GSPT1: variants seen among roughly 807,000 people sequenced by gnomAD.
GSPT1 encodes the protein G1 to S phase transition 1.
GSPT1 carries 20 observed loss-of-function variants against 72.5 expected under a neutral mutation model. The observed-to-expected ratio is 0.28, with a 90% CI of 0.19 to 0.40. GSPT1 has a LOEUF of 0.40. Among genes scored for constraint, GSPT1 ranks in the 10% least tolerant of loss-of-function variants. GSPT1 has a pLI of 1.00. For missense variants in GSPT1, 580 were observed against 811.9 expected, an observed-to-expected ratio of 0.71 and a Z score of 3.47; for synonymous variants, 334 against 293.5, an observed-to-expected ratio of 1.14 and a Z score of -1.41.
At chr16:11,888,505 T>C (rs1177948002) in intron 6 of GSPT1, among the ~76,000 whole-genome samples, 1 of 149,806 alleles carries the variant, frequency 6.7e-6, no homozygotes, top group East Asian at 1.9e-4. Context: ...CTCATGCTTG[T>C]AATCCAAGCA....
intron 1 of GSPT1, among the ~76,000 whole-genome samples, chr16:11,911,374 C>CT (rs2054554358): frequency 1.3e-5 from 2 of 152,094 alleles, no homozygotes. Flanking sequence ...TTAAAAGCCA[C>CT]TGAACTGTAT....
intron 12 of GSPT1, 25 bp from the exon 13 acceptor site, chr16:11,876,200 T>TG: frequency 7.3e-7 from 1 of 1,377,236 alleles, no homozygotes; most frequent in South Asian, 1.2e-5. Context: ...CACACATTCT[T>TG]ATCTTTAGCC....
upstream of GSPT1, chr16:11,916,224 C>A: frequency 2.9e-6 from 1 of 346,794 alleles, no homozygotes. Flanking sequence ...CGGCAGGCAA[C>A]GCGAGGAGGC....
intron 5 of GSPT1, among the ~76,000 whole-genome samples, chr16:11,892,985 A>G (rs1201542960): frequency 6.6e-6 from 1 of 152,166 alleles, no homozygotes; most frequent in African/African-American, 2.4e-5. Context: ...TAAGATGTCA[A>G]CATCAGGGCA....
intron 1 of GSPT1, among the ~76,000 whole-genome samples, chr16:11,914,289 G>C (rs141797753): frequency 6.6e-6 from 1 of 152,270 alleles, no homozygotes; most frequent in East Asian, 1.9e-4. Context: ...GTACCTGAAA[G>C]CAAGCTACCT....
chr16:11,887,804 G>T lies in GSPT1; in HGVS notation c.777-54C>A, dbSNP rs2054202472. On this transcript the variant is annotated intron_variant, in intron 6 of 14. Transcript: ENST00000434724. ...ATTCCTAAGAACATCAGAGTTTTTAGGATATTCTTCACCATTAAAGATATA... is the reference window on the plus strand; with the variant it reads ...ATTCCTAAGAACATCAGAGTTTTTATGATATTCTTCACCATTAAAGATATA... 24 of 1,195,330 alleles carry T rather than the reference G, an allele frequency of 2.0e-5. No individual in the cohort carries two copies. The South Asian group carries it at 3.0e-4, about 15-fold the overall frequency. The allele number at this position is 1,195,330 out of a possible 1,614,324, so 74.0% of individuals were successfully genotyped here.
intron 6 of GSPT1, among the ~76,000 whole-genome samples, chr16:11,889,207 C>G (rs2054222828): frequency 6.6e-6 from 1 of 151,224 alleles, no homozygotes; most frequent in South Asian, 2.1e-4. Context: ...ACTTGGGAGG[C>G]TGAAGCAGGA....
chr16:11,872,055 A>G lies in GSPT1; in HGVS notation c.*1064T>C, dbSNP rs528741994. The G allele has an allele frequency of 6.6e-6, 1 of 152,320 alleles. No individual in the cohort carries two copies. The highest frequency in any genetic ancestry group is 2.1e-4 in the South Asian group (1 of 4,830). The allele number at this position is 152,320 out of a possible 1,614,324, so 9.4% of individuals were successfully genotyped here. ...ATTTTCATTTAGTTGCTAGGTTGAGATTTAGCTTTAACCAGCAAGGATCAT... is the reference window on the plus strand; with the variant it reads ...ATTTTCATTTAGTTGCTAGGTTGAGGTTTAGCTTTAACCAGCAAGGATCAT... On this transcript the variant is annotated 3_prime_UTR_variant, in exon 15 of 15. Coordinates refer to ENST00000434724, the MANE Select transcript of GSPT1 (RefSeq NM_002094.4).
chr16:11,874,217 A>T (rs2054010877), intron 14 of GSPT1, among the ~76,000 whole-genome samples: 3 of 152,164 alleles, frequency 2.0e-5, no homozygotes, highest in African/African-American at 2.4e-5. Context: ...TTCTGTAAAC[A>T]TACTAAAATT....
chr16:11,888,630 C>T (rs955377662), intron 6 of GSPT1, among the ~76,000 whole-genome samples: 5 of 151,410 alleles, frequency 3.3e-5, no homozygotes, highest in Non-Finnish European at 5.9e-5. Flanking sequence ...GGCATGGTGG[C>T]GGGCGCCTGT....
chr16:11,872,395 A>T lies in GSPT1; in HGVS notation c.*724T>A, dbSNP rs1197145561. ...ATATAAATTGGCAAAAAAAAAAAAA[A>T]TAAATAAATAACTAAAAGACCTAGT... is the stretch of plus-strand genomic sequence containing the variant. On this transcript the variant is annotated 3_prime_UTR_variant, in exon 15 of 15. Transcript: ENST00000434724. The T allele has an allele frequency of 2.6e-5, 4 of 151,442 alleles. No homozygotes were observed. Among genetic ancestry groups the T allele is most frequent in the Non-Finnish European group, 5.9e-5 (4 of 67,882 alleles). The allele number at this position is 151,442 out of a possible 1,614,324, so 9.4% of individuals were successfully genotyped here. A position where few individuals can be genotyped will look rare whatever the true frequency, so the allele number is the denominator to read the frequency against.
At chr16:11,885,419 C>G (rs2054175619) in intron 9 of GSPT1, 145 bp from the exon 10 acceptor site, 1 of 586,132 alleles carries the variant, frequency 1.7e-6, no homozygotes, top group Non-Finnish European at 3.1e-6. Context: ...CATTTCATCT[C>G]ACTTATTCCA....
intron 3 of GSPT1, among the ~76,000 whole-genome samples, chr16:11,897,264 T>G (rs1374737084): frequency 6.6e-6 from 1 of 152,200 alleles, no homozygotes; most frequent in African/African-American, 2.4e-5. Context: ...AATAAAGTTA[T>G]AAAAAGGAAG....
Position 11,885,187 on chromosome 16 carries a change from C to T in GSPT1, c.1341G>A (p.Lys447=), listed in dbSNP as rs749381283. The stretch of plus-strand genomic sequence containing the variant: ...TCTTTAACATTTTGGGTACCTTGTA[C>T]TTATCCACAATTGGCAGCCTGATTG... ...DGPIRLPIVD[K]YKDMGTVVLG... is the part of the protein sequence containing the mutation. Residue 447 remains lysine (K), a synonymous_variant, in exon 10 of 15, where the codon AAG becomes AAA. Transcript: ENST00000434724. 21 of 1,519,496 alleles carry T rather than the reference C, an allele frequency of 1.4e-5. No individual in the cohort carries two copies. The South Asian group carries it at 2.4e-4, about 17-fold the overall frequency. The allele number at this position is 1,519,496 out of a possible 1,614,324, so 94.1% of individuals were successfully genotyped here.
chr16:11,907,798 C>T (rs1290784554), intron 1 of GSPT1, among the ~76,000 whole-genome samples: 1 of 152,190 alleles, frequency 6.6e-6, no homozygotes, highest in Non-Finnish European at 1.5e-5. Flanking sequence ...TCGTATCCAG[C>T]GCTAACATTC....
At chr16:11,894,155 C>CAAAAAAAAAAAAAAA (rs57226427) in intron 5 of GSPT1, among the ~76,000 whole-genome samples, 8 of 42,674 alleles carry the variant, frequency 1.9e-4, no homozygotes, top group African/African-American at 6.2e-4. Context: ...GACCCTATCT[C>CAAAAAAAAAAAAAAA]AAAAAAAAAA....
rs1447778701 is a variant in GSPT1, at chr16:11,902,423, AAAAG to A, written c.353-4392_353-4389del. 4.1e-3 allele frequency among the ~76,000 whole-genome samples: 623 copies of A among 151,040 alleles called. 6 individuals are homozygous for A. Among genetic ancestry groups the A allele is most frequent in the African/African-American group, 0.014 (594 of 40,990 alleles). ...CTGTCTCAAAAAAAAAAAAAAAAAA[AAAAG>A]AGGCAAAACTAATAGTATAATTTAT... On this transcript the variant is annotated intron_variant, in intron 1 of 14. Transcript: ENST00000434724.
chr16:11,890,567 G>C (rs539873313), intron 6 of GSPT1, among the ~76,000 whole-genome samples: 1 of 152,214 alleles, frequency 6.6e-6, no homozygotes, highest in East Asian at 1.9e-4. Context: ...GGTAAGGCTT[G>C]CTAACTTTTT....
At chr16:11,910,297 G>C (rs1422379686) in intron 1 of GSPT1, among the ~76,000 whole-genome samples, 2 of 152,136 alleles carry the variant, frequency 1.3e-5, no homozygotes, top group East Asian at 3.8e-4. Context: ...GCTGTTCTCG[G>C]CTTTGAAAGC....
Sources: allele counts gnomAD v4.1 joint callset (sites outside exome capture counted in the v4.1 genomes callset), GRCh38; gene constraint gnomAD v4.1.1; transcripts MANE v1.5; gene names NCBI Gene and HGNC (gene_info 2026-07-23, HGNC 2026-07-21).